The following FBXL18 variants were observed in gnomAD, a reference collection of about 807,000 sequenced individuals.
The protein encoded by FBXL18 is F-box/LRR-repeat protein 18.
A neutral mutation model predicts 46.0 loss-of-function variants in FBXL18; 36 were observed. The observed-to-expected ratio is 0.78, with a 90% CI of 0.60 to 1.03. The LOEUF (loss-of-function observed/expected upper bound fraction) is 1.03, where lower values mean the gene tolerates loss of function less well. Ranked by LOEUF, FBXL18 falls within the 50% of genes least tolerant of loss-of-function variation. FBXL18 has a pLI of 0.00. For missense variants in FBXL18, 977 were observed against 1,004.1 expected, an observed-to-expected ratio of 0.97 and a Z score of 0.36; for synonymous variants, 557 against 465.3, an observed-to-expected ratio of 1.20 and a Z score of -2.54.
chr7:5,489,132 C>G (rs1044379739), intron 4 of FBXL18: 24 of 395,370 alleles, frequency 6.1e-5, no homozygotes, highest in Non-Finnish European at 1.0e-4. Flanking sequence ...CCGCCATGAA[C>G]CAGGGCGGAC....
chr7:5,469,386 T>C (rs1783392441), intron 4 of FBXL18, among the ~76,000 whole-genome samples: 1 of 152,222 alleles, frequency 6.6e-6, no homozygotes, highest in South Asian at 2.1e-4. Flanking sequence ...CACTCCAGCC[T>C]GGGTAACAGG....
chr7:5,466,332 G>A lies in FBXL18; in HGVS notation c.2001-18489C>T, dbSNP rs529251352. On this transcript the variant is annotated intron_variant and NMD_transcript_variant, in intron 4 of 6. Transcript: ENST00000415009. ...TCCGAGATAGGTCTCCCTGGGCTCA[G>A]GTCAAGTGCAGGCCGTGCTCCTCCT... 2.0e-5 allele frequency among the ~76,000 whole-genome samples: 3 copies of A among 152,310 alleles called. No homozygotes were observed. The East Asian group carries it at 5.8e-4, about 29-fold the overall frequency.
intron 4 of FBXL18, among the ~76,000 whole-genome samples, chr7:5,460,353 G>A (rs1037844812): frequency 1.3e-5 from 2 of 152,164 alleles, no homozygotes; most frequent in Non-Finnish European, 2.9e-5. Flanking sequence ...GAAACACTCT[G>A]CAAATACAAA....
At chr7:5,499,314 C>A (rs996456588) in intron 3 of FBXL18, among the ~76,000 whole-genome samples, 5 of 152,060 alleles carry the variant, frequency 3.3e-5, no homozygotes, top group African/African-American at 1.2e-4. Flanking sequence ...TCCCACCTCC[C>A]ATTGTGCCCT....
intron 1 of FBXL18, among the ~76,000 whole-genome samples, chr7:5,510,686 C>CAA (rs35968318): frequency 0.11 from 10,913 of 96,510 alleles, 833 homozygotes; most frequent in African/African-American, 0.25. Flanking sequence ...ATCCTGTCTC[C>CAA]AAAAAAAAAA....
At chr7:5,466,347 G>A (rs1270635592) in intron 4 of FBXL18, among the ~76,000 whole-genome samples, 1 of 152,150 alleles carries the variant, frequency 6.6e-6, no homozygotes, top group African/African-American at 2.4e-5. Context: ...AGTGCAGGCC[G>A]TGCTCCTCCT....
rs557572932 is a variant in FBXL18, at chr7:5,494,771, A to ACGGTGC, written c.1782-3328_1782-3323dup. On this transcript the variant is annotated intron_variant, in intron 3 of 4. Coordinates refer to ENST00000382368, the MANE Select transcript of FBXL18 (RefSeq NM_024963.6). ...GATGGAAACGGGGCGTTGGGCAAGG[A>ACGGTGC]CGGTGCCGTCGTGTGGTCACTAGGT... 4.2e-4 allele frequency among the ~76,000 whole-genome samples: 64 copies of ACGGTGC among 152,324 alleles called. 1 individual carries two copies. The South Asian group carries it at 9.3e-3, about 22-fold the overall frequency.
At chr7:5,502,262 C>T (rs1036712153) in intron 2 of FBXL18, among the ~76,000 whole-genome samples, 2 of 152,192 alleles carry the variant, frequency 1.3e-5, no homozygotes, top group African/African-American at 2.4e-5. Context: ...CAGGTGGGCA[C>T]GGTGGCTCAT....
rs142885581 is a variant in FBXL18 at position 5,499,229 on chromosome 7, G to A, written c.1781+1259C>T. On this transcript the variant is annotated intron_variant, in intron 3 of 4. Transcript: ENST00000382368. ...AAGTCCATCTGGGATGCCCAGGGAG[G>A]CTGCTCCCTCTCCCGGGTGAAACCC... is the stretch of plus-strand genomic sequence containing the variant. 5.5e-3 allele frequency among the ~76,000 whole-genome samples: 843 copies of A among 152,260 alleles called. 7 individuals carry two copies. Among genetic ancestry groups the A allele is most frequent in the African/African-American group, 0.019 (800 of 41,562 alleles).
Position 5,455,211 on chromosome 7 carries a change from T to A in FBXL18, c.2001-7368A>T, listed in dbSNP as rs1783155115. ...ACTCTCAGAGGAGCACTCCAAGGAG[T>A]ACTCTTTGGGAGCATATCTGGGGAG... On this transcript the variant is annotated intron_variant and NMD_transcript_variant, in intron 4 of 6. Coordinates refer to the FBXL18 transcript ENST00000415009. The surrounding 1 kb of genome is among the most constrained non-coding windows in gnomAD (Gnocchi z 4.6). 6.6e-6 allele frequency among the ~76,000 whole-genome samples: 1 copy of A among 151,654 alleles called. No homozygotes were observed. Among genetic ancestry groups the A allele is most frequent in the South Asian group, 2.1e-4 (1 of 4,802 alleles).
intron 4 of FBXL18, among the ~76,000 whole-genome samples, chr7:5,463,698 A>ATATATATTTATT (rs1353122407): frequency 7.4e-5 from 4 of 54,166 alleles, no homozygotes; most frequent in African/African-American, 3.6e-4. Context: ...CCTGAACTAT[A>ATATATATTTATT]TATATATTTA....
chr7:5,493,160 G>A (rs1301558503), intron 3 of FBXL18, among the ~76,000 whole-genome samples: 5 of 152,126 alleles, frequency 3.3e-5, no homozygotes, highest in Non-Finnish European at 7.3e-5. Flanking sequence ...CATAGTGAGA[G>A]CCCAGCTCTA....
At position 5,479,476 on chromosome 7, in the gene FBXL18, G is replaced by C. The variant is rs1783590972; in HGVS notation, c.*2299C>G. On this transcript the variant is annotated 3_prime_UTR_variant, in exon 5 of 5. Transcript: ENST00000382368. ...AGCAAGAAGTGGTCAGTCCCAGGAGGCACCACACCACCCGATCTGATCGCC... is the reference window on the plus strand; with the variant it reads ...AGCAAGAAGTGGTCAGTCCCAGGAGCCACCACACCACCCGATCTGATCGCC... The C allele has an allele frequency of 6.6e-6, 1 of 152,248 alleles. No individual in the cohort carries two copies. The highest frequency in any genetic ancestry group is 1.5e-5 in the Non-Finnish European group (1 of 68,084). The allele number at this position is 152,248 out of a possible 1,614,324, so 9.4% of individuals were successfully genotyped here.
At chr7:5,491,945 G>A (rs1258512712) in intron 3 of FBXL18, among the ~76,000 whole-genome samples, 7 of 151,850 alleles carry the variant, frequency 4.6e-5, no homozygotes, top group African/African-American at 1.2e-4. Context: ...GGGAGAGGGC[G>A]AGAATCTGGG....
chr7:5,475,303 C>T (rs1258727205), downstream of FBXL18, among the ~76,000 whole-genome samples: 1 of 151,970 alleles, frequency 6.6e-6, no homozygotes, highest in Non-Finnish European at 1.5e-5. The surrounding 1 kb of genome is among the most constrained non-coding windows in gnomAD (Gnocchi z 4.2). Context: ...GCCTGGGCGA[C>T]AGAGCAAGAT....
chr7:5,461,597 C>A (rs935012637), intron 4 of FBXL18, among the ~76,000 whole-genome samples: 1 of 152,056 alleles, frequency 6.6e-6, no homozygotes, highest in Non-Finnish European at 1.5e-5. Flanking sequence ...GAGTTATGAT[C>A]GTGCCACTAC....
chr7:5,470,167 C>G (rs1023819690), intron 4 of FBXL18, among the ~76,000 whole-genome samples: 2 of 152,154 alleles, frequency 1.3e-5, no homozygotes, highest in African/African-American at 4.8e-5. Flanking sequence ...ACCTCCCCTG[C>G]CAGCCATCAT....
rs117933874 is a variant in FBXL18 at position 5,477,183 on chromosome 7, G to A, written c.*4592C>T. 0.015 allele frequency among the ~76,000 whole-genome samples: 2,253 copies of A among 152,108 alleles called. 32 individuals are homozygous for A. The highest frequency in any genetic ancestry group is 0.048 in the Middle Eastern group (14 of 294). On this transcript the variant is annotated 3_prime_UTR_variant, in exon 5 of 5. Coordinates refer to ENST00000382368, the MANE Select transcript of FBXL18 (RefSeq NM_024963.6). This position sits in a 1 kb window ranked among gnomAD's most constrained non-coding sequence, Gnocchi z 4.4. The stretch of plus-strand genomic sequence containing the variant: ...ATTACAGGCGTGAGCCACTGCGCCC[G>A]GCCAGATCTAGAAACTTCTAACTTG...
intron 4 of FBXL18, chr7:5,490,030 GA>G (rs1279898104): frequency 1.5e-6 from 2 of 1,326,908 alleles, no homozygotes; most frequent in South Asian, 2.4e-5. Flanking sequence ...TACAACCAGA[GA>G]GGGGGAAACC....
Sources: gnomAD v4.1 joint callset for allele counts (sites outside exome capture counted in the v4.1 genomes callset) on GRCh38, gnomAD v4.1.1 for gene constraint, Gnocchi (gnomAD v3.1) non-coding constraint, MANE v1.5 for transcripts, NCBI Gene and HGNC (gene_info 2026-07-23, HGNC 2026-07-21) for gene names.